Variants in ADCK1 observed in about 807,000 individuals in gnomAD.
ADCK1 encodes aarF domain-containing protein kinase 1.
ADCK1 carries 41 observed loss-of-function variants against 52.3 expected under a neutral mutation model. That is an observed-to-expected ratio of 0.78 (90% CI 0.61 to 1.02). The LOEUF is 1.02. ADCK1 is among the 50% of genes least tolerant of loss of function. The pLI is 0.00. For missense variants in ADCK1, 658 were observed against 679.5 expected (o/e 0.97, Z 0.35); for synonymous variants, 250 against 274.6 (o/e 0.91, Z 0.89).
At chr14:77,853,220 A>G (rs2082350648) in intron 3 of ADCK1, among the ~76,000 whole-genome samples, 1 of 151,926 alleles carries the variant, frequency 6.6e-6, no homozygotes, top group Non-Finnish European at 1.5e-5. Flanking sequence ...CCTGGTCTCA[A>G]GCAATTGTCC....
intron 5 of ADCK1, among the ~76,000 whole-genome samples, chr14:77,890,855 G>T (rs1020965732): frequency 5.3e-5 from 8 of 152,158 alleles, no homozygotes; most frequent in African/African-American, 1.9e-4. Context: ...GCAGAGCATA[G>T]GATTAAATAC....
chr14:77,861,374 G>A (rs1302247898), intron 4 of ADCK1, among the ~76,000 whole-genome samples: 1 of 152,132 alleles, frequency 6.6e-6, no homozygotes, highest in Non-Finnish European at 1.5e-5. Context: ...GGAGGGAGGG[G>A]AGCGGGGCCA....
chr14:77,818,965 C>T lies in ADCK1; in HGVS notation c.-11-3C>T, dbSNP rs376359656. The stretch of plus-strand genomic sequence containing the variant: ...TCTTTCTCAACTTTCCTTTTTTCTG[C>T]AGGATCTGGCGACATGGCCAGAAAG... On this transcript the variant is annotated splice_polypyrimidine_tract_variant and splice_region_variant and intron_variant, in intron 1 of 10. Transcript: ENST00000238561. 48 of 1,607,728 alleles carry T rather than the reference C, an allele frequency of 3.0e-5. No homozygotes were observed. Among genetic ancestry groups the T allele is most frequent in the Non-Finnish European group, 3.6e-5 (42 of 1,177,976 alleles).
At chr14:77,841,397 G>A (rs2082062810) in intron 3 of ADCK1, among the ~76,000 whole-genome samples, 1 of 152,124 alleles carries the variant, frequency 6.6e-6, no homozygotes, top group Non-Finnish European at 1.5e-5. Context: ...ACGTGGCAGT[G>A]AAGAGTTAGG....
intron 10 of ADCK1, 35 bp downstream of exon 10, chr14:77,931,746 G>T: frequency 6.3e-7 from 1 of 1,582,096 alleles, no homozygotes; most frequent in Non-Finnish European, 8.6e-7. Context: ...TCCCCTCCTA[G>T]CCCCCTGGCC....
intron 7 of ADCK1, 158 bp from the exon 8 acceptor site, chr14:77,924,299 A>C: frequency 1.2e-6 from 1 of 852,424 alleles, no homozygotes; most frequent in Non-Finnish European, 1.8e-6. Flanking sequence ...AAACTCAAAG[A>C]GTATGTCATC....
chr14:77,829,471 A>G (rs1256750869), intron 3 of ADCK1, among the ~76,000 whole-genome samples: 1 of 150,968 alleles, frequency 6.6e-6, no homozygotes, highest in Non-Finnish European at 1.5e-5. Flanking sequence ...TTTTTAAAGT[A>G]TTATTTGTAG....
chr14:77,821,212 G>C (rs1376518819), intron 2 of ADCK1: 1 of 152,056 alleles, frequency 6.6e-6, no homozygotes, highest in Non-Finnish European at 1.5e-5. Context: ...TATGGATCAG[G>C]AATGGAATCT....
intron 1 of ADCK1, among the ~76,000 whole-genome samples, chr14:77,809,822 G>A (rs991584076): frequency 5.3e-5 from 8 of 151,314 alleles, no homozygotes; most frequent in African/African-American, 1.9e-4. Context: ...ATCACCTGAG[G>A]CCAGGAGTTC....
intron 1 of ADCK1, among the ~76,000 whole-genome samples, chr14:77,807,843 A>G (rs1220830814): frequency 1.3e-5 from 2 of 151,566 alleles, no homozygotes; most frequent in East Asian, 2.0e-4. Context: ...AGGTTTTCCC[A>G]TGTTGGCCAG....
intron 1 of ADCK1, among the ~76,000 whole-genome samples, chr14:77,815,081 C>T (rs1469910225): frequency 3.4e-5 from 5 of 149,108 alleles, no homozygotes; most frequent in East Asian, 2.0e-4. Context: ...TTAGTAGAGA[C>T]GGGGTTTCAC....
intron 3 of ADCK1, among the ~76,000 whole-genome samples, chr14:77,835,827 G>A (rs2081949041): frequency 6.6e-6 from 1 of 152,132 alleles, no homozygotes; most frequent in Non-Finnish European, 1.5e-5. Context: ...GTAGAGACAA[G>A]GTTTCGCCAT....
chr14:77,829,236 T>G (rs1461155274), intron 3 of ADCK1, among the ~76,000 whole-genome samples: 1 of 151,114 alleles, frequency 6.6e-6, no homozygotes, highest in Non-Finnish European at 1.5e-5. Context: ...TGAGGATATA[T>G]ATGTGTGTAC....
intron 3 of ADCK1, among the ~76,000 whole-genome samples, chr14:77,841,707 G>A (rs1056567878): frequency 3.3e-5 from 5 of 150,696 alleles, no homozygotes; most frequent in Admixed American, 6.6e-5. Flanking sequence ...TTAGCCAGGC[G>A]TGGGTGTGTG....
chr14:77,883,032 G>C (rs749518443), intron 4 of ADCK1, among the ~76,000 whole-genome samples: 1 of 140,094 alleles, frequency 7.1e-6, no homozygotes, highest in Admixed American at 8.1e-5. Flanking sequence ...CACACACACA[G>C]AGAAAGAAAC....
intron 4 of ADCK1, among the ~76,000 whole-genome samples, chr14:77,871,109 TC>T (rs1432857653): frequency 6.6e-6 from 1 of 152,214 alleles, no homozygotes; most frequent in Non-Finnish European, 1.5e-5. Context: ...GTTTGGGCTT[TC>T]CTAAAAACAA....
intron 1 of ADCK1, among the ~76,000 whole-genome samples, chr14:77,813,451 T>G (rs2140011958): frequency 6.6e-6 from 1 of 152,280 alleles, no homozygotes; most frequent in African/African-American, 2.4e-5. Flanking sequence ...GCTGGGACTA[T>G]AGGCGTGCAT....
intron 4 of ADCK1, among the ~76,000 whole-genome samples, chr14:77,871,136 A>G (rs749631413): frequency 1.3e-5 from 2 of 152,176 alleles, no homozygotes; most frequent in Non-Finnish European, 2.9e-5. Context: ...AATTTGAGTA[A>G]AAGTGATGTT....
chr14:77,870,349 G>A (rs1594978253), intron 4 of ADCK1, among the ~76,000 whole-genome samples: 2 of 152,252 alleles, frequency 1.3e-5, no homozygotes, highest in East Asian at 3.9e-4. Context: ...GGACGTTAAA[G>A]AGAGCCATAG....
Sources: allele counts gnomAD v4.1 joint callset (sites outside exome capture counted in the v4.1 genomes callset), GRCh38; gene constraint gnomAD v4.1.1; transcripts MANE v1.5; gene names NCBI Gene and HGNC (gene_info 2026-07-23, HGNC 2026-07-21).